Variants in TEAD4 observed in about 807,000 individuals in gnomAD.
The protein encoded by TEAD4 is transcriptional enhancer factor TEF-3.
In TEAD4, 36 loss-of-function variants were observed where a neutral mutation model predicts 52.4. That is an observed-to-expected ratio of 0.69 (90% confidence interval 0.53 to 0.91). The LOEUF (loss-of-function observed/expected upper bound fraction) is 0.91, where lower values mean the gene tolerates loss of function less well. TEAD4 is among the 40% of genes least tolerant of loss of function. The probability of loss-of-function intolerance (pLI) is 0.00; values close to 1 mark genes in which losing one functional copy is unlikely to be tolerated. For missense variants in TEAD4, 508 were observed against 583.9 expected (o/e 0.87, Z 1.34); for synonymous variants, 220 against 231.0 (o/e 0.95, Z 0.43).
chr12:3,012,346 C>T, intron 5 of TEAD4, 114 bp downstream of exon 5: 1 of 1,204,642 alleles, frequency 8.3e-7, no homozygotes, highest in South Asian at 1.5e-5. Context: ...GCTTTTCTCT[C>T]TGTTGAGGAG....
intron 10 of TEAD4, among the ~76,000 whole-genome samples, chr12:3,030,395 G>A (rs1565551713): frequency 6.6e-6 from 1 of 152,190 alleles, no homozygotes; most frequent in South Asian, 2.1e-4. Flanking sequence ...GGACTGTCCA[G>A]TGTACAGACT....
rs759379792 is a variant in TEAD4 at position 3,020,653 on chromosome 12, G to A, written c.603G>A (p.Gly201=). 7 of 1,593,290 alleles carry A rather than the reference G, an allele frequency of 4.4e-6. No individual in the cohort carries two copies. The Admixed American group carries it at 7.0e-5, about 16-fold the overall frequency. ...GTGCAGGGTTTGAGTCTCCTGCAGG[G>A]CCCGCCCCATCGCCCTCTGCGCCCC... is the stretch of plus-strand genomic sequence containing the variant. The change falls in exon 9 of 13, where the codon GGG becomes GGA. Residue 201 remains glycine (G), a synonymous_variant. Coordinates refer to ENST00000359864, the MANE Select transcript of TEAD4 (RefSeq NM_003213.4).
chr12:3,014,966 A>C (rs4759431), intron 5 of TEAD4, among the ~76,000 whole-genome samples: 1 of 152,158 alleles, frequency 6.6e-6, no homozygotes, highest in African/African-American at 2.4e-5. Context: ...GGGAGAGGTC[A>C]GGGGCTGGCC....
chr12:3,000,289 C>G (rs1054771176), intron 3 of TEAD4, among the ~76,000 whole-genome samples: 3 of 152,126 alleles, frequency 2.0e-5, no homozygotes, highest in Non-Finnish European at 4.4e-5. Context: ...TAACAGAATA[C>G]CTGAAACTGG....
chr12:3,026,270 G>A (rs1037955613), intron 10 of TEAD4, among the ~76,000 whole-genome samples: 1 of 152,178 alleles, frequency 6.6e-6, no homozygotes, highest in South Asian at 2.1e-4. Flanking sequence ...TTTTCTTAGC[G>A]ATTTCCTTAA....
chr12:2,966,728 A>G (rs913810753), intron 2 of TEAD4, among the ~76,000 whole-genome samples: 2 of 150,996 alleles, frequency 1.3e-5, no homozygotes, highest in South Asian at 4.2e-4. Context: ...TTTTTTTGAG[A>G]TGGAGTCTCG....
At chr12:2,964,153 G>A (rs898189774) in intron 2 of TEAD4, among the ~76,000 whole-genome samples, 5 of 152,324 alleles carry the variant, frequency 3.3e-5, no homozygotes, top group South Asian at 2.1e-4. Context: ...CTAGAGCTCC[G>A]TGCCGGTTCT....
At position 3,017,510 on chromosome 12, in the gene TEAD4, G is replaced by A. The variant is rs139665156; in HGVS notation, c.467G>A (p.Arg156His). ...ATGGCCCTCGCCCGGGGCCCCGGCC[G>A]CCCAGCAGTCTCAGGGGTAAGTGGG... is the stretch of plus-strand genomic sequence containing the variant. Residue 156 changes from arginine (R) to histidine (H), a missense_variant, in exon 6 of 13, where the codon CGC (arginine) becomes CAC (histidine). By Grantham distance (29) the Arg-to-His change is conservative (BLOSUM62 0). Transcript: ENST00000359864. 481 of 1,613,340 alleles carry A rather than the reference G, an allele frequency of 3.0e-4. 5 individuals carry two copies. Among genetic ancestry groups the A allele is most frequent in the South Asian group, 4.8e-4 (44 of 90,996 alleles).
At chr12:3,004,213 G>A (rs1853249058) in intron 3 of TEAD4, among the ~76,000 whole-genome samples, 1 of 152,232 alleles carries the variant, frequency 6.6e-6, no homozygotes, top group African/African-American at 2.4e-5. Context: ...TGATCCAAAG[G>A]GAAGGAGCAG....
chr12:3,025,282 C>G (rs1020484539), intron 10 of TEAD4, among the ~76,000 whole-genome samples: 1 of 152,184 alleles, frequency 6.6e-6, no homozygotes, highest in African/African-American at 2.4e-5. Context: ...AGTTGTCATC[C>G]TGAGCCTCCC....
At chr12:3,025,850 C>T (rs904307035) in intron 10 of TEAD4, among the ~76,000 whole-genome samples, 2 of 152,030 alleles carry the variant, frequency 1.3e-5, no homozygotes, top group African/African-American at 2.4e-5. Flanking sequence ...AAATGATTTT[C>T]GAGGATCATT....
rs139308176 is a variant in TEAD4, at chr12:3,009,544, G to A, written c.227-1460G>A. On this transcript the variant is annotated intron_variant, in intron 3 of 12. Coordinates refer to ENST00000359864, the MANE Select transcript of TEAD4 (RefSeq NM_003213.4). ...TGGTGGAGCTGCCAGGCTCTAGCCTGGCTCACCAGCTCCCAGGTCTGTGGC... is the reference window on the plus strand; with the variant it reads ...TGGTGGAGCTGCCAGGCTCTAGCCTAGCTCACCAGCTCCCAGGTCTGTGGC... 2.5e-3 allele frequency among the ~76,000 whole-genome samples: 386 copies of A among 152,354 alleles called. 2 individuals are homozygous for A. The highest frequency in any genetic ancestry group is 8.9e-3 in the African/African-American group (369 of 41,580).
intron 5 of TEAD4, 73 bp downstream of exon 5, chr12:3,012,305 A>G: frequency 6.6e-7 from 1 of 1,506,630 alleles, no homozygotes; most frequent in Non-Finnish European, 9.1e-7. Context: ...CTTTGGGGTC[A>G]GGGCATCACT....
chr12:2,986,651 AAAAAT>A (rs774787809), intron 2 of TEAD4, among the ~76,000 whole-genome samples: 1 of 150,630 alleles, frequency 6.6e-6, no homozygotes. Flanking sequence ...AAAAATAAAA[AAAAAT>A]AAATAAATAA....
intron 2 of TEAD4, among the ~76,000 whole-genome samples, chr12:2,967,125 A>T (rs2098221076): frequency 6.6e-6 from 1 of 152,158 alleles, no homozygotes; most frequent in South Asian, 2.1e-4. Flanking sequence ...GTTTAAAAAT[A>T]TTTCTCTCTT....
chr12:2,972,487 G>GTC (rs1474783198), intron 2 of TEAD4, among the ~76,000 whole-genome samples: 1 of 102,138 alleles, frequency 9.8e-6, no homozygotes, highest in African/African-American at 3.4e-5. Flanking sequence ...CAGGCAGCAT[G>GTC]TCTCTTTTTT....
At chr12:2,971,814 CTT>C (rs34434172) in intron 2 of TEAD4, among the ~76,000 whole-genome samples, 17,029 of 109,830 alleles carry the variant, frequency 0.16, 1,437 homozygotes, top group African/African-American at 0.34. Flanking sequence ...TTCTTTCTTT[CTT>C]TTTTTTTTTT....
chr12:2,996,286 T>C (rs1282726790), intron 3 of TEAD4, among the ~76,000 whole-genome samples: 4 of 152,100 alleles, frequency 2.6e-5, no homozygotes, highest in Non-Finnish European at 5.9e-5. Context: ...ACCCCCACCA[T>C]TGTTGCTTGG....
At chr12:2,971,054 A>G (rs2098224569) in intron 2 of TEAD4, among the ~76,000 whole-genome samples, 3 of 152,236 alleles carry the variant, frequency 2.0e-5, no homozygotes, top group Non-Finnish European at 4.4e-5. Flanking sequence ...CCCAATCCAC[A>G]GCAGCCACAG....
Sources: allele counts gnomAD v4.1 joint callset (sites outside exome capture counted in the v4.1 genomes callset), GRCh38; gene constraint gnomAD v4.1.1; transcripts MANE v1.5; gene names NCBI Gene and HGNC (gene_info 2026-07-23, HGNC 2026-07-21).